PCNX1: variants seen among roughly 807,000 people sequenced by gnomAD.
PCNX1 encodes the protein pecanex-like protein 1.
PCNX1 carries 78 observed loss-of-function variants against 242.2 expected under a neutral mutation model. The ratio of observed to expected loss-of-function variants is 0.32; its 90% CI spans 0.27 to 0.39. PCNX1 has a LOEUF of 0.39. PCNX1 is among the 10% of genes least tolerant of loss of function. PCNX1 has a pLI of 1.00. For synonymous variants in PCNX1, 1,024 were observed against 1,032.9 expected, an observed-to-expected ratio of 0.99 and a Z score of 0.17; for missense variants, 2,581 against 2,856.5, an observed-to-expected ratio of 0.90 and a Z score of 2.20.
At position 70,907,633 on chromosome 14, in the gene PCNX1, C is replaced by A; in HGVS notation, c.-218C>A. On this transcript the variant is annotated 5_prime_UTR_variant, in exon 1 of 36. Transcript: ENST00000304743. ...TCCTCTCCGCCGTCCTCCGCCCCGC[C>A]GCTCGCCGCCTCCTCCTCTCGGGTC... The A allele has an allele frequency of 1.1e-5, 4 of 350,704 alleles. No individual in the cohort carries two copies. Among genetic ancestry groups the A allele is most frequent in the South Asian group, 1.3e-4 (1 of 7,712 alleles). 21.7% of individuals were successfully genotyped at this position (350,704 alleles called of 1,614,324 possible). A position where few individuals can be genotyped will look rare whatever the true frequency, so the allele number is the denominator to read the frequency against.
At chr14:70,991,804 T>C (rs910341638) in intron 7 of PCNX1, among the ~76,000 whole-genome samples, 2 of 152,174 alleles carry the variant, frequency 1.3e-5, no homozygotes, top group African/African-American at 4.8e-5. Context: ...TAGGATGATA[T>C]GGTCATTTAA....
At chr14:70,975,281 A>T (rs955715727) in intron 5 of PCNX1, among the ~76,000 whole-genome samples, 1 of 152,140 alleles carries the variant, frequency 6.6e-6, no homozygotes, top group Non-Finnish European at 1.5e-5. Context: ...TTAAATTTTG[A>T]TATTTAGAAG....
intron 1 of PCNX1, among the ~76,000 whole-genome samples, chr14:70,918,364 C>T (rs974724623): frequency 1.3e-5 from 2 of 152,202 alleles, no homozygotes; most frequent in Non-Finnish European, 2.9e-5. Flanking sequence ...CACTTGAACA[C>T]TCTTTACTAT....
rs1485723550 is a variant in PCNX1 at position 71,112,184 on chromosome 14, C to T, written c.*2249C>T. The T allele has an allele frequency of 6.6e-6, 1 of 152,244 alleles. No homozygotes were observed. Among genetic ancestry groups the T allele is most frequent in the Non-Finnish European group, 1.5e-5 (1 of 67,902 alleles). 9.4% of individuals were successfully genotyped at this position (152,244 alleles called of 1,614,324 possible). Reference sequence around the variant, plus strand: ...TTTCCCACACAGAAAAAAAATCTGACCTTTACATGATTTAATCTGAAGGGC... The same window carrying T: ...TTTCCCACACAGAAAAAAAATCTGATCTTTACATGATTTAATCTGAAGGGC... On this transcript the variant is annotated 3_prime_UTR_variant, in exon 36 of 36. Coordinates refer to ENST00000304743, the MANE Select transcript of PCNX1 (RefSeq NM_014982.3).
At chr14:71,047,153 T>C (rs748315099) in intron 21 of PCNX1, 48 bp downstream of exon 21, 5 of 1,126,632 alleles carry the variant, frequency 4.4e-6, no homozygotes, top group South Asian at 1.9e-5. Context: ...GGGGCTGTTA[T>C]AAACAATGTC....
At chr14:71,085,723 G>A (rs148030895) in intron 28 of PCNX1, 235 of 253,232 alleles carry the variant, frequency 9.3e-4, no homozygotes, top group African/African-American at 4.9e-3. Context: ...AGGTGTCATC[G>A]AGGCAGGAAT....
chr14:71,009,893 AATATC>A, intron 9 of PCNX1, 169 bp downstream of exon 9: 1 of 452,728 alleles, frequency 2.2e-6, no homozygotes, highest in South Asian at 4.7e-5. Flanking sequence ...GATGTTTTGA[AATATC>A]ATATACATTG....
intron 30 of PCNX1, among the ~76,000 whole-genome samples, chr14:71,098,929 T>C (rs183732726): frequency 1.6e-3 from 248 of 152,250 alleles, no homozygotes; most frequent in African/African-American, 5.7e-3. Flanking sequence ...ATGAGGGCTG[T>C]GGGTTTGTCA....
intron 2 of PCNX1, among the ~76,000 whole-genome samples, chr14:70,956,706 A>G (rs975606871): frequency 1.3e-5 from 2 of 152,188 alleles, no homozygotes; most frequent in African/African-American, 4.8e-5. Flanking sequence ...AAGAACAGAT[A>G]TGATAACTTA....
chr14:71,057,239 A>G (rs1037110032), intron 25 of PCNX1, among the ~76,000 whole-genome samples: 4 of 152,330 alleles, frequency 2.6e-5, no homozygotes, highest in Middle Eastern at 3.4e-3. Context: ...GAAGAGGTCA[A>G]AAAGTCCTTA....
chr14:70,936,124 ATTTTTAT>A (rs1334824143), intron 1 of PCNX1, among the ~76,000 whole-genome samples: 11 of 152,216 alleles, frequency 7.2e-5, no homozygotes, highest in Non-Finnish European at 1.3e-4. Context: ...TAGGAATTTT[ATTTTTAT>A]TTTTTATTTT....
chr14:71,051,168 CAAAAAAAAAAAAAA>C (rs758181078), intron 23 of PCNX1, among the ~76,000 whole-genome samples: 4 of 41,760 alleles, frequency 9.6e-5, no homozygotes, highest in Admixed American at 7.3e-4. Flanking sequence ...AACTCTGTCT[CAAAAAAAAAAAAAA>C]AAAAAAAAAA....
At chr14:70,935,474 A>G (rs996834212) in intron 1 of PCNX1, among the ~76,000 whole-genome samples, 34 of 152,314 alleles carry the variant, frequency 2.2e-4, no homozygotes, top group Middle Eastern at 3.4e-3. Flanking sequence ...TAGCAATATA[A>G]TAGTAGGGGG....
chr14:71,094,631 A>G (rs903037735), intron 30 of PCNX1, among the ~76,000 whole-genome samples: 1 of 152,050 alleles, frequency 6.6e-6, no homozygotes, highest in Non-Finnish European at 1.5e-5. Context: ...ACTTTTTGGT[A>G]ATTAAAACTG....
Position 71,033,550 on chromosome 14 carries a change from C to G in PCNX1, c.3668+12C>G, listed in dbSNP as rs758408894. 1 of 1,336,626 alleles carries G rather than the reference C, an allele frequency of 7.5e-7. No individual in the cohort carries two copies. The highest frequency in any genetic ancestry group is 1.5e-5 in the African/African-American group (1 of 68,678). 82.8% of individuals were successfully genotyped at this position (1,336,626 alleles called of 1,614,324 possible). A position where few individuals can be genotyped will look rare whatever the true frequency, so the allele number is the denominator to read the frequency against. On this transcript the variant is annotated intron_variant, in intron 17 of 35. Coordinates refer to ENST00000304743, the MANE Select transcript of PCNX1 (RefSeq NM_014982.3). ...CCATCTGTACTTTTGTAAGTGAACTCAATTGTTATTGAATTAAAAGAAATT... is the reference window on the plus strand; with the variant it reads ...CCATCTGTACTTTTGTAAGTGAACTGAATTGTTATTGAATTAAAAGAAATT...
intron 1 of PCNX1, among the ~76,000 whole-genome samples, chr14:70,916,358 G>C (rs2056152347): frequency 6.6e-6 from 1 of 152,248 alleles, no homozygotes; most frequent in Middle Eastern, 3.4e-3. Flanking sequence ...AGAATTCCAA[G>C]GCCTAAACAG....
chr14:71,038,601 G>A lies in PCNX1; in HGVS notation c.3867+2444G>A, dbSNP rs946818185. ...GTGCTGGAGAGGATGTGGAGAAATA[G>A]GAACACTTTTACACTGTTGGTGGGA... On this transcript the variant is annotated intron_variant, in intron 19 of 35. Transcript: ENST00000304743. 4.8e-3 allele frequency among the ~76,000 whole-genome samples: 722 copies of A among 151,682 alleles called. 10 individuals are homozygous for A. The highest frequency in any genetic ancestry group is 0.016 in the African/African-American group (659 of 41,426).
At chr14:70,954,762 C>G (rs1456241368) in intron 2 of PCNX1, among the ~76,000 whole-genome samples, 1 of 152,066 alleles carries the variant, frequency 6.6e-6, no homozygotes, top group Non-Finnish European at 1.5e-5. Context: ...ATTTTTTTCA[C>G]TGGCTATGAT....
chr14:71,059,130 A>AG (rs1009663006), intron 26 of PCNX1, among the ~76,000 whole-genome samples: 6 of 152,120 alleles, frequency 3.9e-5, no homozygotes, highest in Admixed American at 6.5e-5. Flanking sequence ...GTGAAATGAA[A>AG]GGGGGGGTGG....
Sources: gnomAD v4.1 joint callset for allele counts (sites outside exome capture counted in the v4.1 genomes callset) on GRCh38, gnomAD v4.1.1 for gene constraint, MANE v1.5 for transcripts, NCBI Gene and HGNC (gene_info 2026-07-23, HGNC 2026-07-21) for gene names.